The following PCDHGA3 variants were observed in gnomAD, a reference collection of about 807,000 sequenced individuals.
The protein encoded by PCDHGA3 is protocadherin gamma subfamily A, 3, also known as protocadherin gamma-A3.
Under a neutral mutation model 58.5 loss-of-function variants are expected in PCDHGA3, and 40 were observed. That is an observed-to-expected ratio of 0.68 (90% CI 0.53 to 0.89). The LOEUF (loss-of-function observed/expected upper bound fraction) is 0.89. PCDHGA3 is among the 40% of genes least tolerant of loss of function. The probability of loss-of-function intolerance (pLI) is 0.00; values close to 1 mark genes in which losing one functional copy is unlikely to be tolerated. For missense variants in PCDHGA3, 1,223 were observed against 1,195.9 expected (o/e 1.02, Z -0.33); for synonymous variants, 530 against 525.7 (o/e 1.01, Z -0.11).
chr5:141,404,695 TGCAGAGCC>T, intron 1 of PCDHGA3: 1 of 1,614,122 alleles, frequency 6.2e-7, no homozygotes, highest in Non-Finnish European at 8.5e-7. Flanking sequence ...CACCCCGCTC[TGCAGAGCC>T]TGGCTACCTG....
intron 1 of PCDHGA3, chr5:141,416,504 C>G (rs966090979): frequency 1.3e-5 from 2 of 152,040 alleles, no homozygotes; most frequent in African/African-American, 4.8e-5. Flanking sequence ...AGATATATGA[C>G]AAAGCTATTT....
chr5:141,365,679 C>T lies in PCDHGA3; in HGVS notation c.2424+19222C>T, dbSNP rs1056119767. The T allele has an allele frequency of 1.2e-5, 19 of 1,613,416 alleles. No individual in the cohort carries two copies. The highest frequency in any genetic ancestry group is 1.4e-5 in the Non-Finnish European group (17 of 1,179,808). On this transcript the variant is annotated intron_variant, in intron 1 of 3. Transcript: ENST00000253812. ...GTAGCAGACGTTAATGACAACCCAC[C>T]CAATTTCCCTCAAGCCTCCTACTCC...
chr5:141,497,148 A>G (rs1436451953), intron 2 of PCDHGA3, among the ~76,000 whole-genome samples: 1 of 152,122 alleles, frequency 6.6e-6, no homozygotes, highest in Non-Finnish European at 1.5e-5. Context: ...ATCACGAAAA[A>G]AAAATAATCT....
intron 2 of PCDHGA3, among the ~76,000 whole-genome samples, chr5:141,501,528 A>G (rs1173385747): frequency 6.6e-6 from 1 of 151,978 alleles, no homozygotes; most frequent in Non-Finnish European, 1.5e-5. Context: ...GAAGCCCAGT[A>G]CGTTGTTGTG....
At position 141,493,666 on chromosome 5, in the gene PCDHGA3, C is replaced by T. The variant is rs1475584876; in HGVS notation, c.2425-1141C>T. On this transcript the variant is annotated intron_variant, in intron 1 of 3. Transcript: ENST00000253812. The surrounding 1 kb of genome is among the most constrained non-coding windows in gnomAD (Gnocchi z 4.3). ...GCCATCCCTGTGCCCTTCTCCATGG[C>T]AGCCCCAGAATGGTGCTGGTGACTC... 6.6e-6 allele frequency among the ~76,000 whole-genome samples: 1 copy of T among 152,176 alleles called. No individual in the cohort carries two copies. The highest frequency in any genetic ancestry group is 1.5e-5 in the Non-Finnish European group (1 of 68,028).
chr5:141,424,365 T>A (rs933291305), intron 1 of PCDHGA3: 7 of 152,246 alleles, frequency 4.6e-5, no homozygotes, highest in African/African-American at 1.7e-4. Context: ...TAGATCACAT[T>A]TTTTCTTAAG....
intron 1 of PCDHGA3, chr5:141,370,456 T>C (rs889377616): frequency 6.2e-7 from 1 of 1,611,944 alleles, no homozygotes; most frequent in African/African-American, 1.3e-5. Context: ...TTTCTCTTCC[T>C]GCTCTCTTTG....
In PCDHGA3 at chr5:141,486,872, C is replaced by T. The variant is rs1320632059; in HGVS notation, c.2425-7935C>T. On this transcript the variant is annotated intron_variant, in intron 1 of 3. Transcript: ENST00000253812. The surrounding 1 kb of genome is among the most constrained non-coding windows in gnomAD (Gnocchi z 5.0). ...CAATGACAATGCTCCAGCTGTGCTC[C>T]GTCCTCGGGCCCGGCCTGGTTCCTT... The T allele has an allele frequency of 3.7e-6, 6 of 1,614,232 alleles. No individual in the cohort carries two copies. Among genetic ancestry groups the T allele is most frequent in the African/African-American group, 1.3e-5 (1 of 75,070 alleles).
At chr5:141,351,146 G>A in intron 1 of PCDHGA3, 5 of 1,613,958 alleles carry the variant, frequency 3.1e-6, no homozygotes, top group Middle Eastern at 1.6e-4. Flanking sequence ...AAATACTGGC[G>A]ACATCACAAC....
At chr5:141,422,984 G>T in intron 1 of PCDHGA3, 2 of 1,614,230 alleles carry the variant, frequency 1.2e-6, no homozygotes, top group Non-Finnish European at 1.7e-6. Flanking sequence ...GCGGAACCTG[G>T]CTACCTGGTG....
chr5:141,509,442 T>C (rs1473514859), intron 3 of PCDHGA3, among the ~76,000 whole-genome samples: 3 of 152,008 alleles, frequency 2.0e-5, no homozygotes, highest in Non-Finnish European at 2.9e-5. Flanking sequence ...TGTTTCCTCC[T>C]CTCCCACCCC....
chr5:141,366,051 G>A, intron 1 of PCDHGA3: 1 of 1,614,244 alleles, frequency 6.2e-7, no homozygotes, highest in Non-Finnish European at 8.5e-7. Context: ...GGTTCCACGG[G>A]CGTGGAGCTG....
intron 1 of PCDHGA3, chr5:141,365,398 C>T: frequency 1.2e-6 from 2 of 1,613,978 alleles, no homozygotes; most frequent in Non-Finnish European, 1.7e-6. Flanking sequence ...CCAGTTCGAT[C>T]TCTGAAGACT....
intron 1 of PCDHGA3, chr5:141,423,443 C>A: frequency 6.2e-7 from 1 of 1,613,998 alleles, no homozygotes; most frequent in Non-Finnish European, 8.5e-7. Flanking sequence ...ATGCCCACGT[C>A]ACATTTTGTA....
At position 141,370,526 on chromosome 5, in the gene PCDHGA3, C is replaced by T. The variant is rs533530770; in HGVS notation, c.2424+24069C>T. 25 of 1,613,860 alleles carry T rather than the reference C, an allele frequency of 1.5e-5. No individual in the cohort carries two copies. In the East Asian group the frequency reaches 4.0e-4, roughly 26 times the overall value. ...CTATTCCCGAGGAGCTGGACAGGGG[C>T]TCGCTGGTAGGGAACCTCGCCAAGG... On this transcript the variant is annotated intron_variant, in intron 1 of 3. Transcript: ENST00000253812.
intron 1 of PCDHGA3, chr5:141,427,842 C>T: frequency 6.5e-7 from 1 of 1,549,268 alleles, no homozygotes. Flanking sequence ...TGCCTTCGAC[C>T]ACGAGCAGCT....
intron 1 of PCDHGA3, among the ~76,000 whole-genome samples, chr5:141,450,814 A>ATT (rs755856825): frequency 0.033 from 4,450 of 136,778 alleles, 81 homozygotes; most frequent in Middle Eastern, 0.081. Context: ...TTATTTATTT[A>ATT]ATATTATTAT....
At chr5:141,403,218 G>A in intron 1 of PCDHGA3, 1 of 1,613,968 alleles carries the variant, frequency 6.2e-7, no homozygotes. Flanking sequence ...ACCGCGGGTA[G>A]GATAGACCGG....
intron 1 of PCDHGA3, chr5:141,355,053 G>A (rs1759700050): frequency 2.5e-6 from 3 of 1,205,186 alleles, no homozygotes; most frequent in Non-Finnish European, 3.4e-6. Flanking sequence ...ACAAAGCACT[G>A]GCTCTGGAGC....
Sources: gnomAD v4.1 joint callset for allele counts (sites outside exome capture counted in the v4.1 genomes callset) on GRCh38, gnomAD v4.1.1 for gene constraint, Gnocchi (gnomAD v3.1) non-coding constraint, MANE v1.5 for transcripts, NCBI Gene and HGNC (gene_info 2026-07-23, HGNC 2026-07-21) for gene names.